Variants in CHD1L observed in about 807,000 individuals in gnomAD.
CHD1L encodes ATP-dependent chromatin remodeler CHD1L.
A neutral mutation model predicts 115.9 loss-of-function variants in CHD1L; 118 were observed. The observed-to-expected ratio is 1.02, with a 90% CI of 0.88 to 1.19. CHD1L has a LOEUF of 1.19. Ranked by LOEUF, CHD1L falls within the 50% of genes most tolerant of loss-of-function variation. CHD1L has a pLI of 0.00. For synonymous variants in CHD1L, 411 were observed against 387.1 expected, an observed-to-expected ratio of 1.06 and a Z score of -0.72; for missense variants, 1,179 against 1,065.3, an observed-to-expected ratio of 1.11 and a Z score of -1.49.
chr1:147,193,097 T>C, the CHD1L span, among the ~76,000 whole-genome samples: 8 of 152,270 alleles, frequency 5.3e-5, no homozygotes, highest in East Asian at 1.3e-3. Context: ...CCAGCTCCTC[T>C]TTGTACCTCT....
intron 1 of CHD1L, 43 bp from the exon 2 acceptor site, chr1:147,252,580 T>C (rs1668748643): frequency 6.7e-7 from 1 of 1,489,070 alleles, no homozygotes; most frequent in Non-Finnish European, 9.3e-7. Flanking sequence ...CTGCATGTAC[T>C]GAAATGTCTG....
chr1:147,214,882 A>G, the CHD1L span: 1 of 151,988 alleles, frequency 6.6e-6, no homozygotes, highest in South Asian at 2.1e-4. Context: ...AACTTGTTCA[A>G]TAAGTATTGT....
intron 6 of CHD1L, chr1:147,260,819 A>T (rs1477313959): frequency 6.6e-6 from 1 of 152,166 alleles, no homozygotes; most frequent in African/African-American, 2.4e-5. Flanking sequence ...CATTCTGGCA[A>T]AGTAGATGAG....
chr1:147,211,468 G>A, the CHD1L span: 5 of 152,122 alleles, frequency 3.3e-5, no homozygotes, highest in African/African-American at 1.2e-4. Context: ...GATGAGGATA[G>A]CAATGAGAAG....
At chr1:147,250,748 T>C (rs1166941131) in intron 1 of CHD1L, among the ~76,000 whole-genome samples, 1 of 151,738 alleles carries the variant, frequency 6.6e-6, no homozygotes, top group Non-Finnish European at 1.5e-5. Context: ...GCAGTTATTA[T>C]ATAAAAGTTT....
At chr1:147,251,861 A>C (rs1668515691) in intron 1 of CHD1L, among the ~76,000 whole-genome samples, 1 of 152,206 alleles carries the variant, frequency 6.6e-6, no homozygotes, top group Non-Finnish European at 1.5e-5. Flanking sequence ...TGGTATTTGT[A>C]AGTGCCTAAG....
the CHD1L span, among the ~76,000 whole-genome samples, chr1:147,187,620 C>T: frequency 6.6e-6 from 1 of 152,112 alleles, no homozygotes; most frequent in African/African-American, 2.4e-5. Flanking sequence ...AAACCCATCA[C>T]AAAAATTCTC....
chr1:147,252,564 T>C (rs2102361633), intron 1 of CHD1L, 59 bp from the exon 2 acceptor site: 2 of 1,299,368 alleles, frequency 1.5e-6, no homozygotes, highest in East Asian at 4.6e-5. Context: ...TCTTAGAACA[T>C]TGCCTCTGCA....
chr1:147,242,955 T>G, intron 1 of CHD1L, 125 bp downstream of exon 1: 1 of 1,121,286 alleles, frequency 8.9e-7, no homozygotes, highest in Non-Finnish European at 1.1e-6. Flanking sequence ...AGGGCCTTCC[T>G]TCGCTCCTGC....
Position 147,276,258 on chromosome 1 carries a change from G to T in CHD1L, c.1539+1G>T, listed in dbSNP as rs949835724. ...ACCCGCTGCCGATGCTGACCTCCAG[G>T]TATGATATGATATACTGTTCTTCAC... is the stretch of plus-strand genomic sequence containing the variant. On this transcript the variant is annotated splice_donor_variant, in intron 14 of 22. Transcript: ENST00000369258. LOFTEE classifies it high-confidence loss of function. 6.2e-7 allele frequency: 1 copy of T among 1,614,076 alleles called. No homozygotes were observed. The highest frequency in any genetic ancestry group is 8.5e-7 in the Non-Finnish European group (1 of 1,179,962).
intron 14 of CHD1L, among the ~76,000 whole-genome samples, chr1:147,277,026 C>T (rs1678757522): frequency 6.6e-6 from 1 of 152,078 alleles, no homozygotes; most frequent in Admixed American, 6.6e-5. Flanking sequence ...GAGTTGGCTA[C>T]TGTTTAGAGT....
intron 1 of CHD1L, chr1:147,243,154 G>A (rs1379878550): frequency 9.6e-6 from 2 of 208,598 alleles, no homozygotes. Context: ...TGGACGGCCT[G>A]GTGCACCAAG....
At chr1:147,285,188 C>T (rs1682575677) in intron 16 of CHD1L, 136 bp from the exon 17 acceptor site, 3 of 994,340 alleles carry the variant, frequency 3.0e-6, no homozygotes, top group Non-Finnish European at 4.5e-6. Flanking sequence ...CTCCAGTTCC[C>T]ACCATGCAGG....
intron 10 of CHD1L, among the ~76,000 whole-genome samples, 191 bp downstream of exon 10, chr1:147,269,069 T>C (rs782680669): frequency 6.6e-6 from 1 of 152,200 alleles, no homozygotes; most frequent in Non-Finnish European, 1.5e-5. Flanking sequence ...AATCATTCTT[T>C]CGTTTCCTGA....
chr1:147,215,826 AT>A, the CHD1L span: 1 of 1,613,964 alleles, frequency 6.2e-7, no homozygotes. Context: ...CCTGGGCATT[AT>A]GCATGAAGTT....
At chr1:147,287,272 T>C (rs1553966736) in intron 18 of CHD1L, among the ~76,000 whole-genome samples, 1 of 152,202 alleles carries the variant, frequency 6.6e-6, no homozygotes, top group African/African-American at 2.4e-5. Flanking sequence ...GTGTACTGTT[T>C]CATAACCTTG....
the CHD1L span, chr1:147,205,004 A>G: frequency 2.4e-6 from 2 of 834,098 alleles, no homozygotes; most frequent in Middle Eastern, 3.1e-4. Flanking sequence ...TTCATGCCTG[A>G]TGAACCTGGA....
chr1:147,283,324 A>G (rs897041195), intron 15 of CHD1L, among the ~76,000 whole-genome samples: 7 of 141,298 alleles, frequency 5.0e-5, no homozygotes, highest in African/African-American at 7.5e-5. Flanking sequence ...TTTTGCTTTC[A>G]TACTCTCTAG....
the CHD1L span, among the ~76,000 whole-genome samples, chr1:147,194,651 GTTCCT>G: frequency 1.3e-5 from 2 of 152,096 alleles, no homozygotes; most frequent in African/African-American, 2.4e-5. Flanking sequence ...GGTACCGGTT[GTTCCT>G]TTCCATGTTT....
Sources: allele counts gnomAD v4.1 joint callset (sites outside exome capture counted in the v4.1 genomes callset), GRCh38; gene constraint gnomAD v4.1.1; transcripts MANE v1.5; gene names NCBI Gene and HGNC (gene_info 2026-07-23, HGNC 2026-07-21).